WNK1: variants seen among roughly 807,000 people sequenced by gnomAD.
WNK1 encodes serine/threonine-protein kinase WNK1.
WNK1 carries 38 observed loss-of-function variants against 222.8 expected under a neutral mutation model. The observed-to-expected ratio is 0.17, with a 90% CI of 0.13 to 0.22. WNK1 has a LOEUF of 0.22. Among genes scored for constraint, WNK1 ranks in the 10% least tolerant of loss-of-function variants. WNK1 has a pLI of 1.00. For synonymous variants in WNK1, 1,090 were observed against 1,092.9 expected, an observed-to-expected ratio of 1.00 and a Z score of 0.05; for missense variants, 2,348 against 2,918.4, an observed-to-expected ratio of 0.80 and a Z score of 4.50.
intron 2 of WNK1, among the ~76,000 whole-genome samples, chr12:821,826 A>G (rs1947905725): frequency 6.6e-6 from 1 of 151,894 alleles, no homozygotes; most frequent in Admixed American, 6.6e-5. Context: ...ATTTTGCCTG[A>G]TATTAGTTTT....
chr12:895,895 C>T (rs560658225), intron 23 of WNK1, among the ~76,000 whole-genome samples, 176 bp from the exon 24 acceptor site: 2 of 152,336 alleles, frequency 1.3e-5, no homozygotes, highest in South Asian at 2.1e-4. Flanking sequence ...CATGTGTTCT[C>T]TATGATGGTA....
chr12:774,584 G>C (rs1052241276), intron 1 of WNK1, among the ~76,000 whole-genome samples: 1 of 152,192 alleles, frequency 6.6e-6, no homozygotes, highest in Non-Finnish European at 1.5e-5. Flanking sequence ...ATTTTCTTAG[G>C]ATTAAATTTC....
At position 896,458 on chromosome 12, in the gene WNK1, G is replaced by T. The variant is rs746986005; in HGVS notation, c.5971G>T (p.Ala1991Ser). The T allele has an allele frequency of 1.2e-5, 20 of 1,613,828 alleles. No individual in the cohort carries two copies. The East Asian group carries it at 2.0e-4, about 16-fold the overall frequency. ...FMDLEQAVLP[A>S]VIPKKEKPEL... The stretch of plus-strand genomic sequence containing the variant: ...GGATTTGGAACAAGCTGTTCTTCCT[G>T]CTGTGATACCAAAGAAAGAGAAGCC... Residue 1991 changes from alanine (A) to serine (S), a missense_variant, in exon 24 of 28, where the codon GCT (alanine) becomes TCT (serine). Around this residue, in one of 13 missense-constraint regions of WNK1, gnomAD observed 1,144 missense variants for 1,273.6 expected, o/e 0.90. Transcript: ENST00000315939.
At chr12:843,159 ACTC>A (rs1949760255) in intron 4 of WNK1, among the ~76,000 whole-genome samples, 1 of 152,068 alleles carries the variant, frequency 6.6e-6, no homozygotes, top group South Asian at 2.1e-4. Context: ...CTGTTCTGGA[ACTC>A]CTGAGGTCAA....
intron 1 of WNK1, among the ~76,000 whole-genome samples, chr12:780,678 A>G (rs1389264802): frequency 6.6e-6 from 1 of 152,236 alleles, no homozygotes; most frequent in East Asian, 1.9e-4. Flanking sequence ...TTCTGAATTA[A>G]TACTTACATG....
chr12:777,478 AG>A (rs1943246988), intron 1 of WNK1, among the ~76,000 whole-genome samples: 1 of 152,130 alleles, frequency 6.6e-6, no homozygotes, highest in Non-Finnish European at 1.5e-5. Context: ...AAGTAGCTAA[AG>A]AATTAGATTT....
At position 861,093 on chromosome 12, in the gene WNK1, G is replaced by T. The variant is rs1280224791; in HGVS notation, c.1701G>T (p.Arg567Ser). Residue 567 changes from arginine (R) to serine (S), a missense_variant, in exon 7 of 28, where the codon AGG becomes AGT. By Grantham distance (110) the Arg-to-Ser change is moderately radical. Around this residue, in one of 13 missense-constraint regions of WNK1, gnomAD observed 103 missense variants for 111.5 expected, o/e 0.92. Transcript: ENST00000315939. ...AIKDRVSLIKRKREQRQLVRE... is the reference protein window; with the variant it reads ...AIKDRVSLIKSKREQRQLVRE... ...AAGACAGAGTATCATTAATTAAGAG[G>T]AAACGAGAGCAGCGGCAGTTGGTAC... 1 of 1,613,778 alleles carries T rather than the reference G, an allele frequency of 6.2e-7. No individual in the cohort carries two copies. Among genetic ancestry groups the T allele is most frequent in the South Asian group, 1.1e-5 (1 of 91,068 alleles).
At chr12:833,904 C>T (rs1948992968) in intron 4 of WNK1, among the ~76,000 whole-genome samples, 1 of 152,112 alleles carries the variant, frequency 6.6e-6, no homozygotes, top group Non-Finnish European at 1.5e-5. Flanking sequence ...TAATCATATT[C>T]CCTGTCTTCA....
In WNK1 at chr12:865,134, G is replaced by T. The variant is rs1166476563; in HGVS notation, c.2139+2864G>T. 3.0e-5 allele frequency: 46 copies of T among 1,516,632 alleles called. No individual in the cohort carries two copies. Among genetic ancestry groups the T allele is most frequent in the Non-Finnish European group, 3.8e-5 (43 of 1,135,760 alleles). 93.9% of individuals were successfully genotyped at this position (1,516,632 alleles called of 1,614,324 possible). A position where few individuals can be genotyped will look rare whatever the true frequency, so the allele number is the denominator to read the frequency against. On this transcript the variant is annotated intron_variant, in intron 8 of 27. Coordinates refer to ENST00000315939, the MANE Select transcript of WNK1 (RefSeq NM_018979.4). ...GCCTCGTCGTGGCCGTAGCATGTCG[G>T]TTTGTGTTCCCATCTTTCTGCTGTT...
intron 26 of WNK1, among the ~76,000 whole-genome samples, chr12:903,547 T>C (rs1339457658): frequency 1.3e-5 from 2 of 152,224 alleles, no homozygotes; most frequent in Non-Finnish European, 2.9e-5. Flanking sequence ...TGAAATATAA[T>C]GTGACAAATA....
chr12:802,713 G>T (rs967149840), intron 1 of WNK1, among the ~76,000 whole-genome samples: 6 of 152,122 alleles, frequency 3.9e-5, no homozygotes, highest in African/African-American at 1.4e-4. Context: ...TTGTCACAGA[G>T]TTTAAAGGTT....
chr12:793,630 A>G (rs959392483), intron 1 of WNK1, among the ~76,000 whole-genome samples: 1 of 152,148 alleles, frequency 6.6e-6, no homozygotes, highest in Non-Finnish European at 1.5e-5. Context: ...CACTATATGT[A>G]TATTCTTGTC....
At position 889,196 on chromosome 12, in the gene WNK1, G is replaced by C; in HGVS notation, c.5421G>C (p.Glu1807Asp). The change falls in exon 21 of 28, where the codon GAG becomes GAC. Residue 1807 changes from glutamate (E) to aspartate (D), a missense_variant. Physicochemically the swap from Glu to Asp is conservative, Grantham distance 45 (BLOSUM62 2). Around this residue, in one of 13 missense-constraint regions of WNK1, gnomAD observed 1,144 missense variants for 1,273.6 expected, o/e 0.90. Transcript: ENST00000315939. The stretch of plus-strand genomic sequence containing the variant: ...AATTGAGAAGAACACTTAGTCCAGA[G>C]ATGATCACAGTGACTTCTGCGGTTG... ...DAQLRRTLSP[E>D]MITVTSAVGP... The C allele has an allele frequency of 6.2e-7, 1 of 1,614,078 alleles. No homozygotes were observed. The highest frequency in any genetic ancestry group is 8.5e-7 in the Non-Finnish European group (1 of 1,179,996).
intron 4 of WNK1, among the ~76,000 whole-genome samples, chr12:855,371 T>C (rs1489545222): frequency 6.6e-6 from 1 of 152,164 alleles, no homozygotes; most frequent in Non-Finnish European, 1.5e-5. Context: ...GCCCTGCGAG[T>C]AGAATTCTCC....
rs1954760629 is a variant in WNK1, at chr12:896,750, T to C, written c.6245+18T>C. On this transcript the variant is annotated intron_variant, in intron 24 of 27. Coordinates refer to ENST00000315939, the MANE Select transcript of WNK1 (RefSeq NM_018979.4). Reference sequence around the variant, plus strand: ...CGAGATAAGTAAGTATATTTTCTCTTGTGAAAGAATGTCAGATAAGGTTTT... The same window carrying C: ...CGAGATAAGTAAGTATATTTTCTCTCGTGAAAGAATGTCAGATAAGGTTTT... The C allele has an allele frequency of 1.9e-6, 3 of 1,606,910 alleles. No homozygotes were observed. The highest frequency in any genetic ancestry group is 3.3e-4 in the Middle Eastern group (2 of 6,044).
intron 1 of WNK1, among the ~76,000 whole-genome samples, chr12:810,473 A>G (rs1383665302): frequency 2.6e-5 from 4 of 152,238 alleles, no homozygotes; most frequent in Admixed American, 1.3e-4. Context: ...TTAAATGTTA[A>G]TAAGACTTGA....
At chr12:858,496 A>C (rs1269577310) in intron 5 of WNK1, among the ~76,000 whole-genome samples, 1 of 152,104 alleles carries the variant, frequency 6.6e-6, no homozygotes, top group Non-Finnish European at 1.5e-5. Context: ...AGCCTGTTTC[A>C]ACTCTTGTTG....
intron 1 of WNK1, among the ~76,000 whole-genome samples, chr12:785,081 A>T (rs1591685518): frequency 6.6e-6 from 1 of 152,126 alleles, no homozygotes; most frequent in East Asian, 1.9e-4. Flanking sequence ...ATTTTCTTCT[A>T]GCTTCCAGTA....
Position 879,631 on chromosome 12 carries a change from C to T in WNK1, c.2432C>T (p.Thr811Ile). Reference protein sequence around the residue: ...IQGEPQIPVATQPSVVPVHSG... With the variant: ...IQGEPQIPVAIQPSVVPVHSG... ...GGCGAACCTCAGATCCCAGTTGCGA[C>T]ACAACCCTCGGTTGTTCCAGTCCAC... Residue 811 changes from threonine to isoleucine, a missense_variant, in exon 11 of 28, where the codon ACA (threonine) becomes ATA (isoleucine). By Grantham distance (89) the Thr-to-Ile change is moderately conservative. Coordinates refer to ENST00000315939, the MANE Select transcript of WNK1 (RefSeq NM_018979.4). The T allele has an allele frequency of 1.2e-6, 2 of 1,611,950 alleles. No individual in the cohort carries two copies. The highest frequency in any genetic ancestry group is 1.7e-6 in the Non-Finnish European group (2 of 1,179,500).
Sources: allele counts gnomAD v4.1 joint callset (sites outside exome capture counted in the v4.1 genomes callset), GRCh38; gene constraint gnomAD v4.1.1; regional missense constraint gnomAD v4.1.1; transcripts MANE v1.5; gene names NCBI Gene and HGNC (gene_info 2026-07-23, HGNC 2026-07-21).